The following F13A1 variants were observed in gnomAD, a reference collection of about 807,000 sequenced individuals.
F13A1 encodes the protein FSF, A subunit.
In F13A1, 47 loss-of-function variants were observed where a neutral mutation model predicts 80.1. The observed-to-expected ratio is 0.59, with a 90% CI of 0.46 to 0.75. F13A1 has a LOEUF of 0.75. F13A1 is among the 30% of genes least tolerant of loss of function. The pLI is 0.00. For synonymous variants in F13A1, 349 were observed against 344.9 expected (o/e 1.01, Z -0.13); for missense variants, 817 against 930.4 (o/e 0.88, Z 1.59).
At chr6:6,248,571 AAGT>A (rs1757587526) in intron 5 of F13A1, 152 bp from the exon 6 acceptor site, 2 of 680,678 alleles carry the variant, frequency 2.9e-6, no homozygotes, top group African/African-American at 1.8e-5. Context: ...TGAAATATTA[AAGT>A]AGAAGGAATG....
At chr6:6,195,652 G>A in intron 10 of F13A1, 145 bp downstream of exon 10, 1 of 751,380 alleles carries the variant, frequency 1.3e-6, no homozygotes, top group Non-Finnish European at 2.4e-6. Flanking sequence ...TAGCCTGGAA[G>A]TTGGAATAAT....
At chr6:6,263,520 T>C (rs1249059502) in intron 4 of F13A1, among the ~76,000 whole-genome samples, 3 of 152,206 alleles carry the variant, frequency 2.0e-5, no homozygotes, top group Admixed American at 1.3e-4. Flanking sequence ...TAATTGTTAA[T>C]GACCCTGAAT....
intron 13 of F13A1, among the ~76,000 whole-genome samples, chr6:6,166,768 T>C (rs1311939433): frequency 6.6e-6 from 1 of 152,344 alleles, no homozygotes; most frequent in East Asian, 1.9e-4. Flanking sequence ...TCTTGAGCCA[T>C]TTGGGCAGAG....
Position 6,249,739 on chromosome 6 carries a change from C to A in F13A1, c.690+1072G>T, listed in dbSNP as rs188001207. On this transcript the variant is annotated intron_variant, in intron 5 of 14. Coordinates refer to ENST00000264870, the MANE Select transcript of F13A1 (RefSeq NM_000129.4). ...AATTGGGGACCCAAGACAAGGGCAT[C>A]AGGCAGTAGGCAGTATAGTCAAAGG... Among the ~76,000 whole-genome samples, 202 of 152,290 alleles carry A rather than the reference C, an allele frequency of 1.3e-3. 1 individual carries two copies. The Middle Eastern group carries it at 0.02, about 15-fold the overall frequency.
chr6:6,165,517 G>A (rs778674898), intron 13 of F13A1, among the ~76,000 whole-genome samples: 6 of 152,148 alleles, frequency 3.9e-5, no homozygotes, highest in Non-Finnish European at 8.8e-5. Context: ...GGGACAGGCC[G>A]TCACTTCATA....
chr6:6,169,611 T>C (rs1054689484), intron 12 of F13A1, among the ~76,000 whole-genome samples: 1 of 152,174 alleles, frequency 6.6e-6, no homozygotes, highest in African/African-American at 2.4e-5. Flanking sequence ...TAGGAGGCAA[T>C]GTTATCCCCA....
chr6:6,258,880 C>A (rs914160384), intron 4 of F13A1, among the ~76,000 whole-genome samples: 9 of 152,198 alleles, frequency 5.9e-5, no homozygotes, highest in African/African-American at 1.7e-4. Context: ...AGCTAAGCCA[C>A]TGGCCAGTCT....
chr6:6,305,393 A>G lies in F13A1; in HGVS notation c.277T>C (p.Tyr93His). ...CTGAAGAGATCCCTTCTGGGGTCAT[A>G]TGGACGACTGAAGTCAATCTGCACA... is the stretch of plus-strand genomic sequence containing the variant. ...FYVQIDFSRPYDPRRDLFRVE... is the reference protein window; with the variant it reads ...FYVQIDFSRPHDPRRDLFRVE... The change falls in exon 3 of 15, where the codon TAT becomes CAT. Residue 93 changes from tyrosine to histidine, a missense_variant. Coordinates refer to ENST00000264870, the MANE Select transcript of F13A1 (RefSeq NM_000129.4). 2 of 1,614,238 alleles carry G rather than the reference A, an allele frequency of 1.2e-6. No individual in the cohort carries two copies. The highest frequency in any genetic ancestry group is 1.3e-5 in the African/African-American group (1 of 75,076).
At chr6:6,193,698 A>G (rs970433069) in intron 10 of F13A1, among the ~76,000 whole-genome samples, 5 of 152,250 alleles carry the variant, frequency 3.3e-5, no homozygotes, top group Non-Finnish European at 7.3e-5. Context: ...ATTTACAGCT[A>G]TTAGGCAGCT....
intron 6 of F13A1, among the ~76,000 whole-genome samples, chr6:6,231,187 G>A (rs1434620325): frequency 6.6e-6 from 1 of 152,104 alleles, no homozygotes; most frequent in Non-Finnish European, 1.5e-5. Context: ...AATACAAGAA[G>A]TGAAGGGAGA....
chr6:6,222,020 C>A lies in F13A1; in HGVS notation c.1112+13G>T. The A allele has an allele frequency of 1.2e-6, 2 of 1,613,416 alleles. No homozygotes were observed. Among genetic ancestry groups the A allele is most frequent in the South Asian group, 2.2e-5 (2 of 91,038 alleles). On this transcript the variant is annotated intron_variant, in intron 8 of 14. Transcript: ENST00000264870. ...ATGTGACATCAGCCAATGCCATTGTCAATCAAACTCACCACACTGAATCCT... is the reference window on the plus strand; with the variant it reads ...ATGTGACATCAGCCAATGCCATTGTAAATCAAACTCACCACACTGAATCCT...
intron 6 of F13A1, among the ~76,000 whole-genome samples, chr6:6,226,062 A>G (rs528155647): frequency 1.3e-4 from 20 of 152,344 alleles, no homozygotes; most frequent in African/African-American, 4.6e-4. Flanking sequence ...TTGTGTTTAC[A>G]TAGTAAAACA....
intron 2 of F13A1, among the ~76,000 whole-genome samples, chr6:6,313,070 G>A (rs1758628109): frequency 6.6e-6 from 1 of 152,144 alleles, no homozygotes. Flanking sequence ...ATTTTGCCTA[G>A]GAAATGTCCC....
chr6:6,157,513 C>T (rs762542035), intron 13 of F13A1, among the ~76,000 whole-genome samples: 7 of 151,894 alleles, frequency 4.6e-5, no homozygotes, highest in Non-Finnish European at 1.0e-4. Flanking sequence ...TTTAAGTTAT[C>T]GCTAAACCAT....
intron 14 of F13A1, among the ~76,000 whole-genome samples, chr6:6,147,402 A>G (rs1462110071): frequency 6.6e-6 from 1 of 152,252 alleles, no homozygotes; most frequent in Non-Finnish European, 1.5e-5. Context: ...ACTTAGTAAT[A>G]AGAGTGTCCT....
chr6:6,173,754 T>C (rs786735), intron 12 of F13A1, among the ~76,000 whole-genome samples: 28,336 of 152,032 alleles, frequency 0.19, 2,756 homozygotes, highest in Middle Eastern at 0.23. Context: ...CAAAGCACAC[T>C]ATTCATTCTG....
chr6:6,299,095 G>A (rs1241366991), intron 3 of F13A1, among the ~76,000 whole-genome samples: 1 of 144,468 alleles, frequency 6.9e-6, no homozygotes, highest in Admixed American at 6.8e-5. Flanking sequence ...CTTCTGGCTT[G>A]TAGGGTTTCT....
chr6:6,220,587 CTGTG>C (rs1026110567), intron 8 of F13A1, among the ~76,000 whole-genome samples: 3 of 144,772 alleles, frequency 2.1e-5, no homozygotes, highest in East Asian at 2.0e-4. Flanking sequence ...GTGTGTGTGT[CTGTG>C]TGTTTTTAAG....
intron 6 of F13A1, among the ~76,000 whole-genome samples, chr6:6,242,933 G>A (rs867823409): frequency 3.9e-5 from 6 of 152,252 alleles, no homozygotes; most frequent in Non-Finnish European, 8.8e-5. Context: ...CACAGAATTT[G>A]CCATGCTGAG....
Sources: allele counts gnomAD v4.1 joint callset (sites outside exome capture counted in the v4.1 genomes callset), GRCh38; gene constraint gnomAD v4.1.1; transcripts MANE v1.5; gene names NCBI Gene and HGNC (gene_info 2026-07-23, HGNC 2026-07-21).